RPH3AL: variants seen among roughly 807,000 people sequenced by gnomAD.
RPH3AL encodes rab effector Noc2.
A neutral mutation model predicts 43.1 loss-of-function variants in RPH3AL; 38 were observed. The observed-to-expected ratio is 0.88, with a 90% CI of 0.68 to 1.15. RPH3AL has a LOEUF of 1.15. Among genes scored for constraint, RPH3AL ranks in the 50% most tolerant of loss-of-function variants. The pLI is 0.00. For synonymous variants in RPH3AL, 189 were observed against 176.3 expected, an observed-to-expected ratio of 1.07 and a Z score of -0.57; for missense variants, 462 against 423.2, an observed-to-expected ratio of 1.09 and a Z score of -0.81.
At position 245,034 on chromosome 17, in the gene RPH3AL, A is replaced by ATGTGAG. The variant is rs2041714937; in HGVS notation, c.613+2071_613+2076dup. ...TGTGTGTATGTGGATGTGTGTGTGGATGTGAGCACTATGTGTGCATGTGGA... is the reference window on the plus strand; with the variant it reads ...TGTGTGTATGTGGATGTGTGTGTGGATGTGAGTGTGAGCACTATGTGTGCATGTGGA... On this transcript the variant is annotated intron_variant, in intron 7 of 9. Coordinates refer to ENST00000331302, the MANE Select transcript of RPH3AL (RefSeq NM_006987.4). The surrounding 1 kb of genome is among the most constrained non-coding windows in gnomAD (Gnocchi z 5.9). Among the ~76,000 whole-genome samples the ATGTGAG allele has an allele frequency of 6.6e-6, 1 of 150,980 alleles. No individual in the cohort carries two copies. Among genetic ancestry groups the ATGTGAG allele is most frequent in the Admixed American group, 6.6e-5 (1 of 15,186 alleles).
At chr17:300,003 AGCC>A (rs1489341817) in intron 5 of RPH3AL, among the ~76,000 whole-genome samples, 78 of 93,358 alleles carry the variant, frequency 8.4e-4, no homozygotes, top group African/African-American at 2.7e-3. Flanking sequence ...GGGCTGGCCC[AGCC>A]TAGGCCTGCA....
At chr17:285,493 G>C (rs532174061) in intron 5 of RPH3AL, among the ~76,000 whole-genome samples, 3 of 152,164 alleles carry the variant, frequency 2.0e-5, no homozygotes, top group South Asian at 2.1e-4. Context: ...GCAGCCCCTC[G>C]TACCGTGTTC....
intron 5 of RPH3AL, among the ~76,000 whole-genome samples, chr17:315,507 A>T (rs201591339): frequency 1.4e-5 from 1 of 72,210 alleles, no homozygotes; most frequent in African/African-American, 5.7e-5. Flanking sequence ...CTGTGACTCC[A>T]CCTCCATTGA....
At position 327,586 on chromosome 17, in the gene RPH3AL, TGAA is replaced by T. The variant is rs781176349; in HGVS notation, c.-36-10_-36-8del. The T allele has an allele frequency of 6.3e-7, 1 of 1,584,976 alleles. No individual in the cohort carries two copies. Among genetic ancestry groups the T allele is most frequent in the East Asian group, 2.2e-5 (1 of 44,652 alleles). ...TGGGGGTGGGGAGTCACATCTGAGA[TGAA>T]GGAGGGAAGACGAAAGAGTGTGCAT... On this transcript the variant is annotated splice_polypyrimidine_tract_variant and splice_region_variant and intron_variant, in intron 2 of 9. Coordinates refer to ENST00000331302, the MANE Select transcript of RPH3AL (RefSeq NM_006987.4).
intron 6 of RPH3AL, among the ~76,000 whole-genome samples, 187 bp from the exon 7 acceptor site, chr17:247,472 C>G (rs1481402063): frequency 6.6e-6 from 1 of 152,152 alleles, no homozygotes; most frequent in Non-Finnish European, 1.5e-5. Context: ...AGGACATGAA[C>G]TCTCCAAACC....
At chr17:276,445 G>A (rs1158996777) in intron 6 of RPH3AL, among the ~76,000 whole-genome samples, 2 of 152,210 alleles carry the variant, frequency 1.3e-5, no homozygotes, top group African/African-American at 2.4e-5. Context: ...AGGCTGGAGT[G>A]CAGTGGCACG....
intron 5 of RPH3AL, among the ~76,000 whole-genome samples, chr17:299,627 G>T (rs1281337447): frequency 6.6e-6 from 1 of 152,248 alleles, no homozygotes; most frequent in Non-Finnish European, 1.5e-5. Context: ...CCAGCGGGAA[G>T]CACAGGGGCG....
At chr17:259,601 A>G (rs2042152636) in intron 6 of RPH3AL, among the ~76,000 whole-genome samples, 1 of 152,218 alleles carries the variant, frequency 6.6e-6, no homozygotes, top group South Asian at 2.1e-4. Flanking sequence ...GAAGCCGAGC[A>G]ACTCTGCAAA....
chr17:348,890 G>A (rs2045300577), intron 1 of RPH3AL: 1 of 152,138 alleles, frequency 6.6e-6, no homozygotes, highest in African/African-American at 2.4e-5. Flanking sequence ...TTATTTCTTT[G>A]TTTACGTGTT....
rs547016631 is a variant in RPH3AL at position 345,632 on chromosome 17, C to T, written c.-213+7080G>A. Among the ~76,000 whole-genome samples the T allele has an allele frequency of 3.1e-5, 4 of 129,144 alleles. 2 individuals are homozygous for T. In the South Asian group the frequency reaches 1.0e-3, roughly 33 times the overall value. The allele number at this position is 129,144 out of a possible 152,430, so 84.7% of individuals were successfully genotyped here. A position where few individuals can be genotyped will look rare whatever the true frequency, so the allele number is the denominator to read the frequency against. On this transcript the variant is annotated intron_variant, in intron 1 of 9. Coordinates refer to ENST00000331302, the MANE Select transcript of RPH3AL (RefSeq NM_006987.4). Reference sequence around the variant, plus strand: ...GTGCCTGCTGGGGCACGCGTGCTCCCCATCTGCACGCACACCCTGCTGGGG... The same window carrying T: ...GTGCCTGCTGGGGCACGCGTGCTCCTCATCTGCACGCACACCCTGCTGGGG...
At position 255,808 on chromosome 17, in the gene RPH3AL, A is replaced by G. The variant is rs201621251; in HGVS notation, c.439-8523T>C. On this transcript the variant is annotated intron_variant, in intron 6 of 9. Transcript: ENST00000331302. ...AGCCGCACGGCGTCTGTCCTTTTCC[A>G]TCCCTAGGAACGTGACTACCCTACG... Among the ~76,000 whole-genome samples, 88 of 13,536 alleles carry G rather than the reference A, an allele frequency of 6.5e-3. 2 individuals are homozygous for G. Among genetic ancestry groups the G allele is most frequent in the African/African-American group, 0.027 (45 of 1,694 alleles). 8.9% of individuals were successfully genotyped at this position (13,536 alleles called of 152,430 possible). A position where few individuals can be genotyped will look rare whatever the true frequency, so the allele number is the denominator to read the frequency against.
chr17:269,678 G>A (rs538196502), intron 6 of RPH3AL, among the ~76,000 whole-genome samples: 9 of 152,352 alleles, frequency 5.9e-5, no homozygotes, highest in African/African-American at 2.2e-4. Flanking sequence ...GGGATGAAGC[G>A]AGATGATCAT....
Position 231,941 on chromosome 17 carries a change from G to A in RPH3AL, c.614-12205C>T, listed in dbSNP as rs142411377. Among the ~76,000 whole-genome samples, 317 of 152,374 alleles carry A rather than the reference G, an allele frequency of 2.1e-3. 2 individuals are homozygous for A. The highest frequency in any genetic ancestry group is 7.4e-3 in the African/African-American group (308 of 41,598). On this transcript the variant is annotated intron_variant, in intron 7 of 9. Transcript: ENST00000331302. ...GCCCACGACAGGCAGGTGGGCTGCT[G>A]GGGGAAGAGGTCGGGTGTGGCAGGA...
intron 2 of RPH3AL, chr17:331,076 A>AGTGAGGGAG (rs138932235): frequency 7.2e-6 from 1 of 139,600 alleles, no homozygotes; most frequent in Non-Finnish European, 1.6e-5. Flanking sequence ...GAGGGAGGCA[A>AGTGAGGGAG]GCGAGGGAGG....
At chr17:299,144 T>C (rs545108171) in intron 5 of RPH3AL, among the ~76,000 whole-genome samples, 60 of 152,170 alleles carry the variant, frequency 3.9e-4, no homozygotes, top group African/African-American at 1.4e-3. Flanking sequence ...GGAAAGCGAA[T>C]GAGACTCGTC....
intron 5 of RPH3AL, among the ~76,000 whole-genome samples, chr17:295,416 G>C (rs2043154080): frequency 8.4e-6 from 1 of 119,290 alleles, no homozygotes; most frequent in Non-Finnish European, 1.8e-5. Flanking sequence ...TGGATGGACA[G>C]AGGGAATGCA....
chr17:258,731 C>G (rs1317656156), intron 6 of RPH3AL, among the ~76,000 whole-genome samples: 1 of 150,802 alleles, frequency 6.6e-6, no homozygotes, highest in African/African-American at 2.4e-5. Flanking sequence ...GCCATTGGTA[C>G]TCAGCCATTT....
rs893912838 is a variant in RPH3AL, at chr17:283,009, A to G, written c.352-1155T>C. ...GGCCAGAAGAAGCAAGCTGGGAGGC[A>G]GAGGTGGATGTGTTGGGGCTGAGAC... On this transcript the variant is annotated intron_variant, in intron 5 of 9. Coordinates refer to ENST00000331302, the MANE Select transcript of RPH3AL (RefSeq NM_006987.4). The surrounding 1 kb of genome is among the most constrained non-coding windows in gnomAD (Gnocchi z 4.2). Among the ~76,000 whole-genome samples the G allele has an allele frequency of 3.9e-5, 6 of 152,218 alleles. No homozygotes were observed. Among genetic ancestry groups the G allele is most frequent in the African/African-American group, 1.2e-4 (5 of 41,462 alleles).
chr17:233,783 C>T (rs115729759), intron 7 of RPH3AL, among the ~76,000 whole-genome samples: 1,956 of 151,100 alleles, frequency 0.013, 86 homozygotes, highest in African/African-American at 0.046. Context: ...TCAGAGACAA[C>T]AGGGCCGGGT....
Sources: allele counts gnomAD v4.1 joint callset (sites outside exome capture counted in the v4.1 genomes callset), GRCh38; gene constraint gnomAD v4.1.1; non-coding constraint Gnocchi (gnomAD v3.1); transcripts MANE v1.5; gene names NCBI Gene and HGNC (gene_info 2026-07-23, HGNC 2026-07-21).